Variants in FBLN5 observed in about 807,000 individuals in gnomAD.
FBLN5 encodes the protein fibulin 5.
FBLN5 carries 24 observed loss-of-function variants against 61.6 expected under a neutral mutation model. The ratio of observed to expected loss-of-function variants is 0.39; its 90% CI spans 0.28 to 0.55. The LOEUF (loss-of-function observed/expected upper bound fraction) is 0.55, where lower values mean the gene tolerates loss of function less well. FBLN5 is among the 20% of genes least tolerant of loss of function. FBLN5 has a pLI of 0.65. For missense variants in FBLN5, 470 were observed against 594.1 expected (o/e 0.79, Z 2.17); for synonymous variants, 213 against 219.8 (o/e 0.97, Z 0.27).
At chr14:91,878,850 T>A (rs1180734534) in intron 9 of FBLN5, among the ~76,000 whole-genome samples, 1 of 152,196 alleles carries the variant, frequency 6.6e-6, no homozygotes, top group Non-Finnish European at 1.5e-5. Flanking sequence ...ATGCCTATAA[T>A]CCCAGCACTT....
intron 2 of FBLN5, chr14:91,942,246 A>G (rs939224742): frequency 4.4e-6 from 2 of 451,292 alleles, no homozygotes; most frequent in Non-Finnish European, 8.9e-6. Flanking sequence ...GCCTGGCCTC[A>G]CCCACCCCCT....
chr14:91,881,302 T>A lies in FBLN5; in HGVS notation c.979A>T (p.Ile327Phe), dbSNP rs1263756377. The change falls in exon 9 of 11, where the codon ATC becomes TTC. Residue 327 changes from isoleucine to phenylalanine, a missense_variant. Physicochemically the swap from Ile to Phe is conservative, Grantham distance 21 (BLOSUM62 0). Transcript: ENST00000342058. ...GACGCCGTGACTTACTTATCACTGA[T>A]CCTCAGATAAGGCTCCTCACAGCGG... Reference protein sequence around the residue: ...PIRCEEPYLRISDNRCMCPAE... With the variant: ...PIRCEEPYLRFSDNRCMCPAE... 1 of 1,613,972 alleles carries A rather than the reference T, an allele frequency of 6.2e-7. No homozygotes were observed.
intron 10 of FBLN5, among the ~76,000 whole-genome samples, chr14:91,877,208 T>C (rs1021138972): frequency 1.3e-5 from 2 of 152,114 alleles, no homozygotes; most frequent in Non-Finnish European, 2.9e-5. Flanking sequence ...CGTGAATGCC[T>C]CTCCAACAGA....
chr14:91,936,896 G>T, intron 4 of FBLN5, 51 bp downstream of exon 4: 1 of 1,611,306 alleles, frequency 6.2e-7, no homozygotes, highest in Non-Finnish European at 8.5e-7. Context: ...AGATACAGAC[G>T]ATGTCTTCAC....
intron 6 of FBLN5, among the ~76,000 whole-genome samples, chr14:91,889,319 C>G (rs779077140): frequency 6.6e-6 from 1 of 152,218 alleles, no homozygotes; most frequent in South Asian, 2.1e-4. Context: ...CATTCCACCC[C>G]CTCACCGCTC....
intron 7 of FBLN5, 93 bp downstream of exon 7, chr14:91,887,100 T>C: frequency 7.2e-7 from 1 of 1,395,890 alleles, no homozygotes; most frequent in South Asian, 1.2e-5. Context: ...GTCCAGGAAA[T>C]GAGAGGAAAC....
At chr14:91,937,316 T>A (rs2474028) in intron 3 of FBLN5, 115 bp from the exon 4 acceptor site, 1 of 1,382,232 alleles carries the variant, frequency 7.2e-7, no homozygotes, top group Non-Finnish European at 1.0e-6. Flanking sequence ...ACACCTAGGG[T>A]GGTCCCAACT....
intron 4 of FBLN5, among the ~76,000 whole-genome samples, chr14:91,913,803 T>C (rs563728756): frequency 6.6e-5 from 10 of 152,206 alleles, no homozygotes; most frequent in Non-Finnish European, 1.3e-4. Context: ...CGCAATTAAG[T>C]TATAAATCAA....
chr14:91,901,077 C>T (rs1890430620), intron 4 of FBLN5, among the ~76,000 whole-genome samples: 1 of 152,206 alleles, frequency 6.6e-6, no homozygotes, highest in Non-Finnish European at 1.5e-5. Flanking sequence ...CACCTCTGCA[C>T]CCAGGCATCT....
intron 8 of FBLN5, among the ~76,000 whole-genome samples, 199 bp from the exon 9 acceptor site, chr14:91,881,617 T>C (rs1283027059): frequency 1.5e-5 from 2 of 135,798 alleles, no homozygotes; most frequent in African/African-American, 4.9e-5. Flanking sequence ...ACACCAGATT[T>C]TGATGACTTA....
In FBLN5 at chr14:91,880,522, C is replaced by CGT. The variant is rs1170158743; in HGVS notation, c.989+768_989+769dup. Among the ~76,000 whole-genome samples, 50 of 106,932 alleles carry CGT rather than the reference C, an allele frequency of 4.7e-4. No homozygotes were observed. The South Asian group carries it at 5.3e-3, about 11-fold the overall frequency. 70.2% of individuals were successfully genotyped at this position (106,932 alleles called of 152,430 possible). On this transcript the variant is annotated intron_variant, in intron 9 of 10. Coordinates refer to ENST00000342058, the MANE Select transcript of FBLN5 (RefSeq NM_006329.4). ...TGATAGAGAACTCTGTGGGAGTGTGCGTGCGTGTGTGTGTGTGTGTGTGTG... is the reference window on the plus strand; with the variant it reads ...TGATAGAGAACTCTGTGGGAGTGTGCGTGTGCGTGTGTGTGTGTGTGTGTGTG...
chr14:91,903,994 C>T (rs1393164088), intron 4 of FBLN5, among the ~76,000 whole-genome samples: 1 of 152,184 alleles, frequency 6.6e-6, no homozygotes, highest in African/African-American at 2.4e-5. Context: ...CTCCCTAGAA[C>T]CCTCAAGGCA....
chr14:91,901,790 G>A (rs1264607023), intron 4 of FBLN5, among the ~76,000 whole-genome samples: 1 of 152,230 alleles, frequency 6.6e-6, no homozygotes, highest in Non-Finnish European at 1.5e-5. Flanking sequence ...CAGCACTTGA[G>A]ATTAAGCATG....
intron 7 of FBLN5, among the ~76,000 whole-genome samples, chr14:91,885,326 G>A (rs954302046): frequency 3.9e-5 from 6 of 152,172 alleles, no homozygotes; most frequent in Admixed American, 6.5e-5. Flanking sequence ...AGCTTCTCAA[G>A]AAGCCAAAAG....
intron 3 of FBLN5, among the ~76,000 whole-genome samples, chr14:91,939,395 A>G (rs182215872): frequency 6.9e-6 from 1 of 144,998 alleles, no homozygotes; most frequent in Admixed American, 7.0e-5. Flanking sequence ...GCTGGAGTAC[A>G]GTGGTGCGAT....
chr14:91,910,383 G>C (rs1890867921), intron 4 of FBLN5, among the ~76,000 whole-genome samples: 1 of 152,178 alleles, frequency 6.6e-6, no homozygotes. Flanking sequence ...GAAGGGGAAA[G>C]AGAGAAAGTT....
rs563496873 is a variant in FBLN5, at chr14:91,880,235, G to A, written c.989+1057C>T. Among the ~76,000 whole-genome samples the A allele has an allele frequency of 7.1e-4, 108 of 152,266 alleles. 1 individual carries two copies. The highest frequency in any genetic ancestry group is 7.1e-3 in the Admixed American group (108 of 15,286). On this transcript the variant is annotated intron_variant, in intron 9 of 10. Transcript: ENST00000342058. The stretch of plus-strand genomic sequence containing the variant: ...CTCAATATTCACGGAGCAGTCCAGG[G>A]AGATTGGAAGCATTCATTTCACCTG...
Position 91,870,083 on chromosome 14 carries a change from G to A in FBLN5, c.*141C>T. 1.2e-6 allele frequency: 1 copy of A among 847,840 alleles called. No homozygotes were observed. Among genetic ancestry groups the A allele is most frequent in the African/African-American group, 1.7e-5 (1 of 60,168 alleles). The allele number at this position is 847,840 out of a possible 1,614,324, so 52.5% of individuals were successfully genotyped here. On this transcript the variant is annotated 3_prime_UTR_variant, in exon 11 of 11. Coordinates refer to ENST00000342058, the MANE Select transcript of FBLN5 (RefSeq NM_006329.4). Reference sequence around the variant, plus strand: ...CTGCAATAGTACAGGTGAGAGTCAGGAAGTCGGGGCTGACTCTTCGGGGAA... The same window carrying A: ...CTGCAATAGTACAGGTGAGAGTCAGAAAGTCGGGGCTGACTCTTCGGGGAA...
At position 91,895,026 on chromosome 14, in the gene FBLN5, C is replaced by T; in HGVS notation, c.426G>A (p.Gln142=). The change falls in exon 5 of 11, where the codon CAG becomes CAA. Residue 142 remains glutamine (Q), a synonymous_variant. Transcript: ENST00000342058. ...ATDSHQCNPT[Q]ICINTEGGYT... ...ACCCGCCTTCAGTATTGATGCAGAT[C>T]TGGGTGGGGTTGCACTGGTGGGAAT... The T allele has an allele frequency of 6.2e-7, 1 of 1,614,140 alleles. No homozygotes were observed. The highest frequency in any genetic ancestry group is 8.5e-7 in the Non-Finnish European group (1 of 1,179,994).
Sources: allele counts gnomAD v4.1 joint callset (sites outside exome capture counted in the v4.1 genomes callset), GRCh38; gene constraint gnomAD v4.1.1; transcripts MANE v1.5; gene names NCBI Gene and HGNC (gene_info 2026-07-23, HGNC 2026-07-21).